Variants in CSMD2 observed in about 807,000 individuals in gnomAD.
CSMD2 encodes CUB and Sushi multiple domains 2.
A neutral mutation model predicts 398.5 loss-of-function variants in CSMD2; 130 were observed. That is an observed-to-expected ratio of 0.33 (90% CI 0.28 to 0.38). The LOEUF (loss-of-function observed/expected upper bound fraction) is 0.38, where lower values mean the gene tolerates loss of function less well. Ranked by LOEUF, CSMD2 falls within the 10% of genes least tolerant of loss-of-function variation. The pLI is 1.00. For synonymous variants in CSMD2, 1,828 were observed against 1,908.5 expected (o/e 0.96, Z 1.10); for missense variants, 3,829 against 4,764.9 (o/e 0.80, Z 5.78).
intron 2 of CSMD2, among the ~76,000 whole-genome samples, chr1:34,083,276 T>C (rs1657473223): frequency 1.3e-5 from 2 of 152,104 alleles, no homozygotes; most frequent in South Asian, 4.1e-4. Context: ...GGCTGAGATG[T>C]AGGAAAGAGG....
chr1:34,132,383 C>T (rs1335698988), intron 1 of CSMD2, among the ~76,000 whole-genome samples: 1 of 152,122 alleles, frequency 6.6e-6, no homozygotes, highest in Non-Finnish European at 1.5e-5. Flanking sequence ...TTGTTACCCA[C>T]TTCTCTATCA....
chr1:33,840,374 A>G (rs1354341320), intron 6 of CSMD2, among the ~76,000 whole-genome samples: 1 of 152,134 alleles, frequency 6.6e-6, no homozygotes, highest in African/African-American at 2.4e-5. Context: ...GGTACCCAGG[A>G]CTTCACTCAA....
At chr1:34,082,587 A>C (rs2148342909) in intron 2 of CSMD2, among the ~76,000 whole-genome samples, 1 of 152,368 alleles carries the variant, frequency 6.6e-6, no homozygotes, top group East Asian at 1.9e-4. Context: ...CCAACAGCTC[A>C]TTGAGAACGG....
At chr1:34,123,606 G>A (rs1449569764) in intron 1 of CSMD2, among the ~76,000 whole-genome samples, 1 of 152,130 alleles carries the variant, frequency 6.6e-6, no homozygotes, top group Non-Finnish European at 1.5e-5. Flanking sequence ...GTCTGAAGCG[G>A]GGGGGAGTCT....
chr1:33,820,587 A>AC (rs1557947808), intron 7 of CSMD2, 31 bp from the exon 8 acceptor site: 3 of 989,718 alleles, frequency 3.0e-6, no homozygotes, highest in Non-Finnish European at 4.5e-6. Context: ...AAAAAAAAAA[A>AC]ACAGCACACA....
intron 5 of CSMD2, among the ~76,000 whole-genome samples, chr1:33,890,945 C>T (rs1558061244): frequency 6.6e-6 from 1 of 152,150 alleles, no homozygotes; most frequent in Non-Finnish European, 1.5e-5. Flanking sequence ...ACCATAAAAA[C>T]CCTAGAAGAA....
chr1:33,804,734 C>A, intron 10 of CSMD2: 1 of 717,372 alleles, frequency 1.4e-6, no homozygotes, highest in Non-Finnish European at 2.6e-6. Flanking sequence ...CTTGGATACA[C>A]CTGTATCTCA....
At chr1:33,943,184 A>G (rs1644731864) in intron 3 of CSMD2, among the ~76,000 whole-genome samples, 1 of 152,246 alleles carries the variant, frequency 6.6e-6, no homozygotes, top group Non-Finnish European at 1.5e-5. Context: ...AATTTTTAAA[A>G]AAAGGAAATA....
intron 10 of CSMD2, chr1:33,804,825 C>T (rs948109709): frequency 1.3e-5 from 9 of 717,348 alleles, no homozygotes; most frequent in Non-Finnish European, 2.3e-5. Context: ...ACTTCTATTC[C>T]TCAGTCTTAG....
chr1:33,888,913 G>A (rs778691638), intron 5 of CSMD2, among the ~76,000 whole-genome samples: 1 of 151,984 alleles, frequency 6.6e-6, no homozygotes, highest in Non-Finnish European at 1.5e-5. Flanking sequence ...GACTATAGGC[G>A]CCCGCCACCA....
intron 1 of CSMD2, among the ~76,000 whole-genome samples, chr1:34,093,498 T>C (rs1190301249): frequency 1.3e-5 from 2 of 152,060 alleles, no homozygotes; most frequent in Non-Finnish European, 1.5e-5. Context: ...GCAAAGGAGT[T>C]GAAAACTTTG....
chr1:33,568,137 A>AAAC (rs1557548162), intron 52 of CSMD2, among the ~76,000 whole-genome samples: 17 of 151,516 alleles, frequency 1.1e-4, no homozygotes, highest in South Asian at 2.1e-4. Flanking sequence ...CTTCTATAAA[A>AAAC]AAACAAACAA....
At chr1:33,581,408 G>A (rs1169908759) in intron 47 of CSMD2, among the ~76,000 whole-genome samples, 1 of 147,194 alleles carries the variant, frequency 6.8e-6, no homozygotes, top group Non-Finnish European at 1.5e-5. Flanking sequence ...TCATGGTGGT[G>A]CATGCCTGTA....
chr1:33,960,054 C>T (rs1645301057), intron 3 of CSMD2, among the ~76,000 whole-genome samples: 1 of 152,226 alleles, frequency 6.6e-6, no homozygotes, highest in East Asian at 1.9e-4. Flanking sequence ...CCCTCTGGGT[C>T]TCAGGAGGTC....
In CSMD2 at chr1:33,743,723, A is replaced by G. The variant is rs1019091261; in HGVS notation, c.1847-117T>C. ...AAAAGCAACAGAAAGAAAGAGTGGC[A>G]CAAGGGTTGGGCTGGACTGGCTGGG... On this transcript the variant is annotated intron_variant, in intron 13 of 70. Coordinates refer to ENST00000373381, the MANE Select transcript of CSMD2 (RefSeq NM_001281956.2). 4 of 769,280 alleles carry G rather than the reference A, an allele frequency of 5.2e-6. No homozygotes were observed. In the African/African-American group the frequency reaches 5.3e-5, roughly 10 times the overall value. The allele number at this position is 769,280 out of a possible 1,614,324, so 47.7% of individuals were successfully genotyped here. A position where few individuals can be genotyped will look rare whatever the true frequency, so the allele number is the denominator to read the frequency against.
intron 3 of CSMD2, among the ~76,000 whole-genome samples, chr1:33,940,746 C>T (rs1211102741): frequency 1.3e-5 from 2 of 152,174 alleles, no homozygotes; most frequent in Non-Finnish European, 2.9e-5. Context: ...CAAGAGTTCC[C>T]TTACTCCTTT....
intron 10 of CSMD2, among the ~76,000 whole-genome samples, chr1:33,803,526 T>C (rs920790772): frequency 1.3e-5 from 2 of 152,236 alleles, no homozygotes; most frequent in African/African-American, 4.8e-5. Context: ...CATCTGTTCA[T>C]GGAATAAATA....
intron 28 of CSMD2, among the ~76,000 whole-genome samples, chr1:33,649,630 TGAA>T (rs1007213178): frequency 8.5e-5 from 13 of 152,144 alleles, no homozygotes; most frequent in Admixed American, 1.3e-4. Context: ...GGTGACAGAA[TGAA>T]ACTTTGTCTC....
At chr1:33,713,868 C>T (rs942697854) in intron 21 of CSMD2, among the ~76,000 whole-genome samples, 1 of 152,186 alleles carries the variant, frequency 6.6e-6, no homozygotes, top group African/African-American at 2.4e-5. Context: ...AGCTCCAGCA[C>T]TTTCTAAGCT....
Sources: gnomAD v4.1 joint callset for allele counts (sites outside exome capture counted in the v4.1 genomes callset) on GRCh38, gnomAD v4.1.1 for gene constraint, MANE v1.5 for transcripts, NCBI Gene and HGNC (gene_info 2026-07-23, HGNC 2026-07-21) for gene names.